The following ATP10A variants were observed in gnomAD, a reference collection of about 807,000 sequenced individuals.
The protein encoded by ATP10A is ATPase phospholipid transporting 10A (putative).
ATP10A carries 111 observed loss-of-function variants against 147.8 expected under a neutral mutation model. That is an observed-to-expected ratio of 0.75 (90% CI 0.64 to 0.88). The LOEUF (loss-of-function observed/expected upper bound fraction) is 0.88. Among genes scored for constraint, ATP10A ranks in the 40% least tolerant of loss-of-function variants. The pLI is 0.00. For missense variants in ATP10A, 1,927 were observed against 1,959.0 expected, an observed-to-expected ratio of 0.98 and a Z score of 0.31; for synonymous variants, 875 against 841.6, an observed-to-expected ratio of 1.04 and a Z score of -0.69.
At chr15:25,833,940 C>T (rs926698893) in intron 1 of ATP10A, among the ~76,000 whole-genome samples, 3 of 152,152 alleles carry the variant, frequency 2.0e-5, no homozygotes, top group South Asian at 2.1e-4. Context: ...CCACTGCACT[C>T]CAGCCTGGGC....
intron 10 of ATP10A, chr15:25,709,707 G>C: frequency 6.6e-6 from 1 of 152,326 alleles, no homozygotes; most frequent in East Asian, 1.9e-4. Flanking sequence ...GGCCCTGCCA[G>C]GCAGAAGTGG....
intron 3 of ATP10A, among the ~76,000 whole-genome samples, chr15:25,732,955 T>C (rs908864319): frequency 6.6e-6 from 1 of 152,088 alleles, no homozygotes; most frequent in African/African-American, 2.4e-5. Context: ...CCTCCAGGAT[T>C]AGGAGAAGGC....
intron 1 of ATP10A, among the ~76,000 whole-genome samples, chr15:25,828,913 T>G (rs539222931): frequency 6.6e-6 from 1 of 152,212 alleles, no homozygotes; most frequent in East Asian, 1.9e-4. Flanking sequence ...TTTATAGAAA[T>G]GGAATTGTTC....
intron 3 of ATP10A, among the ~76,000 whole-genome samples, chr15:25,735,830 T>C (rs1343065785): frequency 6.6e-6 from 1 of 152,156 alleles, no homozygotes; most frequent in Non-Finnish European, 1.5e-5. Flanking sequence ...TCCTCACAGA[T>C]GGTAGTGGCA....
chr15:25,703,031 G>A (rs1900762782), intron 12 of ATP10A, among the ~76,000 whole-genome samples: 1 of 152,076 alleles, frequency 6.6e-6, no homozygotes, highest in East Asian at 1.9e-4. Flanking sequence ...CATGAGGATG[G>A]GGCTCCCTCG....
At chr15:25,674,889 T>C (rs1001825178), downstream of ATP10A, among the ~76,000 whole-genome samples, 7 of 152,240 alleles carry the variant, frequency 4.6e-5, no homozygotes, top group Non-Finnish European at 1.0e-4. Flanking sequence ...TCACCTGGGT[T>C]GCTGTCGCCC....
intron 1 of ATP10A, among the ~76,000 whole-genome samples, chr15:25,807,265 G>A (rs1891228955): frequency 6.6e-6 from 1 of 152,226 alleles, no homozygotes; most frequent in Non-Finnish European, 1.5e-5. Flanking sequence ...CCCCAGGCAG[G>A]TGGGGCAGCC....
intron 2 of ATP10A, among the ~76,000 whole-genome samples, chr15:25,742,107 C>A (rs1200642441): frequency 2.0e-5 from 3 of 152,206 alleles, no homozygotes; most frequent in Non-Finnish European, 2.9e-5. Flanking sequence ...TAGGTTGGCC[C>A]AGCCGCTCAT....
At chr15:25,709,931 G>A (rs1468112620) in intron 10 of ATP10A, 1 of 152,236 alleles carries the variant, frequency 6.6e-6, no homozygotes, top group African/African-American at 2.4e-5. Context: ...GGAGAGGATG[G>A]GAAGAACTCA....
chr15:25,863,234 G>A lies in ATP10A; in HGVS notation c.-138C>T, dbSNP rs1248371343. ...GACGCACGGAGACCGCGGTCAGCGC[G>A]CCGCCTGGCCGGCCCAGCGCGCCCA... On this transcript the variant is annotated 5_prime_UTR_variant, in exon 1 of 21. Coordinates refer to ENST00000555815, the MANE Select transcript of ATP10A (RefSeq NM_024490.4). 1.4e-5 allele frequency: 7 copies of A among 506,498 alleles called. No individual in the cohort carries two copies. Among genetic ancestry groups the A allele is most frequent in the Non-Finnish European group, 1.8e-5 (7 of 382,384 alleles). 31.4% of individuals were successfully genotyped at this position (506,498 alleles called of 1,614,324 possible). A position where few individuals can be genotyped will look rare whatever the true frequency, so the allele number is the denominator to read the frequency against.
At chr15:25,732,834 T>C (rs1333410274) in intron 3 of ATP10A, among the ~76,000 whole-genome samples, 3 of 152,050 alleles carry the variant, frequency 2.0e-5, no homozygotes, top group Middle Eastern at 3.4e-3. Flanking sequence ...GGATTACAGG[T>C]GTGAGCCACC....
chr15:25,716,665 G>C, intron 9 of ATP10A, 65 bp downstream of exon 9: 1 of 1,425,664 alleles, frequency 7.0e-7, no homozygotes, highest in Admixed American at 2.3e-5. Context: ...CCCTCAGGAG[G>C]ACTGACAACC....
intron 14 of ATP10A, 52 bp from the exon 15 acceptor site, chr15:25,691,843 A>T (rs1900053908): frequency 6.2e-7 from 1 of 1,605,894 alleles, no homozygotes; most frequent in African/African-American, 1.3e-5. Flanking sequence ...ACAGCACAGA[A>T]TCAAATCAAT....
In ATP10A at chr15:25,691,746, C is replaced by T. The variant is rs930462255; in HGVS notation, c.3134G>A (p.Gly1045Asp). ...ACCCTCCTGGCCGGAGATTCCCACA[C>T]CCACATCTGCCACCTGGATCATGCT... Reference protein sequence around the residue: ...DVSMIQVADVGVGISGQEGMQ... With the variant: ...DVSMIQVADVDVGISGQEGMQ... The change falls in exon 15 of 21, where the codon GGT (glycine) becomes GAT (aspartate). Residue 1045 changes from glycine to aspartate, a missense_variant. Transcript: ENST00000555815. 7.4e-6 allele frequency: 12 copies of T among 1,614,092 alleles called. No homozygotes were observed. Among genetic ancestry groups the T allele is most frequent in the Non-Finnish European group, 1.0e-5 (12 of 1,180,054 alleles).
intron 1 of ATP10A, among the ~76,000 whole-genome samples, chr15:25,848,985 C>G (rs147708183): frequency 3.3e-5 from 5 of 152,024 alleles, no homozygotes; most frequent in Non-Finnish European, 7.4e-5. Context: ...CTCGCCACAC[C>G]TACCGCTGTG....
intron 1 of ATP10A, among the ~76,000 whole-genome samples, chr15:25,846,181 G>C (rs573859471): frequency 6.6e-6 from 1 of 152,106 alleles, no homozygotes; most frequent in African/African-American, 2.4e-5. Flanking sequence ...AGTGTTTCAC[G>C]GGCACAAAGT....
intron 1 of ATP10A, among the ~76,000 whole-genome samples, chr15:25,840,378 G>C (rs1275577786): frequency 6.6e-6 from 1 of 152,094 alleles, no homozygotes; most frequent in African/African-American, 2.4e-5. Context: ...TCCAGTGTCT[G>C]TTGTTCCCTT....
chr15:25,797,511 A>C (rs2140767960), intron 1 of ATP10A, among the ~76,000 whole-genome samples: 1 of 151,336 alleles, frequency 6.6e-6, no homozygotes, highest in South Asian at 2.1e-4. Flanking sequence ...TTTCTGCCAC[A>C]CTTTTCCATT....
chr15:25,852,951 G>A (rs1198955400), intron 1 of ATP10A, among the ~76,000 whole-genome samples: 2 of 152,208 alleles, frequency 1.3e-5, no homozygotes, highest in East Asian at 3.8e-4. Context: ...CCCTTTGTCA[G>A]TTGATTTCCA....
Sources: gnomAD v4.1 joint callset for allele counts (sites outside exome capture counted in the v4.1 genomes callset) on GRCh38, gnomAD v4.1.1 for gene constraint, MANE v1.5 for transcripts, NCBI Gene and HGNC (gene_info 2026-07-23, HGNC 2026-07-21) for gene names.